The following PREX2 variants were observed in gnomAD, a reference collection of about 807,000 sequenced individuals.
PREX2 encodes the protein phosphatidylinositol-3,4,5-trisphosphate dependent Rac exchange factor 2.
A neutral mutation model predicts 203.2 loss-of-function variants in PREX2; 107 were observed. The ratio of observed to expected loss-of-function variants is 0.53; its 90% CI spans 0.45 to 0.62. PREX2 has a LOEUF of 0.62. Among genes scored for constraint, PREX2 ranks in the 20% least tolerant of loss-of-function variants. The pLI, the probability that PREX2 is intolerant of heterozygous loss-of-function variation, is 0.00. For missense variants in PREX2, 1,777 were observed against 1,955.9 expected, an observed-to-expected ratio of 0.91 and a Z score of 1.72; for synonymous variants, 672 against 663.6, an observed-to-expected ratio of 1.01 and a Z score of -0.19.
At chr8:68,001,337 A>C (rs958598651) in intron 1 of PREX2, among the ~76,000 whole-genome samples, 4 of 152,216 alleles carry the variant, frequency 2.6e-5, no homozygotes, top group Non-Finnish European at 4.4e-5. Context: ...CCAGCATGTG[A>C]AAAAAAGCTC....
chr8:68,162,421 T>TACTTAGAAATG (rs1339164818), intron 35 of PREX2, among the ~76,000 whole-genome samples: 5 of 152,154 alleles, frequency 3.3e-5, no homozygotes, highest in Admixed American at 3.3e-4. Flanking sequence ...TATTTTAACT[T>TACTTAGAAATG]ACTTAGAAAT....
chr8:68,146,410 CT>C, intron 34 of PREX2, 58 bp downstream of exon 34: 1 of 1,358,028 alleles, frequency 7.4e-7, no homozygotes, highest in Non-Finnish European at 1.0e-6. Context: ...TTTATTAATG[CT>C]TTTATAAATG....
At chr8:67,990,498 T>G (rs1471693205) in intron 1 of PREX2, among the ~76,000 whole-genome samples, 2 of 102,228 alleles carry the variant, frequency 2.0e-5, no homozygotes, top group Non-Finnish European at 3.8e-5. Flanking sequence ...TCCCAGGTGG[T>G]TTTTTTTTTT....
At chr8:67,967,374 A>C (rs1805805733) in intron 1 of PREX2, among the ~76,000 whole-genome samples, 1 of 152,186 alleles carries the variant, frequency 6.6e-6, no homozygotes, top group Admixed American at 6.5e-5. Context: ...TATATTTTTT[A>C]AAGGTGCAAT....
At chr8:68,092,284 G>A (rs989675794) in intron 20 of PREX2, among the ~76,000 whole-genome samples, 12 of 152,086 alleles carry the variant, frequency 7.9e-5, no homozygotes, top group African/African-American at 1.4e-4. Flanking sequence ...TAAGCGGTGC[G>A]GCTCATTGGT....
chr8:68,169,431 G>A (rs148591958), intron 35 of PREX2, among the ~76,000 whole-genome samples: 78 of 152,108 alleles, frequency 5.1e-4, no homozygotes, highest in South Asian at 8.3e-4. Flanking sequence ...ATTGGAGATG[G>A]AACAGACGTG....
intron 8 of PREX2, among the ~76,000 whole-genome samples, chr8:68,048,242 T>A (rs115889987): frequency 0.015 from 2,263 of 152,182 alleles, 49 homozygotes; most frequent in African/African-American, 0.051. Flanking sequence ...AGGCAATAGT[T>A]GGAAAGCTAT....
chr8:68,125,909 T>C (rs1029575762), intron 30 of PREX2, among the ~76,000 whole-genome samples: 13 of 152,122 alleles, frequency 8.5e-5, no homozygotes, highest in South Asian at 2.1e-4. Context: ...CCTATCTTTT[T>C]ATGATTCTTA....
intron 1 of PREX2, among the ~76,000 whole-genome samples, chr8:67,963,927 C>T (rs1308059310): frequency 6.6e-6 from 1 of 152,106 alleles, no homozygotes; most frequent in Non-Finnish European, 1.5e-5. Flanking sequence ...AGCCGCTCAG[C>T]CACATCAGGT....
chr8:68,039,846 G>A (rs1033602820), intron 7 of PREX2, among the ~76,000 whole-genome samples: 1 of 151,976 alleles, frequency 6.6e-6, no homozygotes. Context: ...TCTGCTCCAG[G>A]CCACCAGGAT....
chr8:68,072,846 GAATAGCTATGCTCATTTACTAA>G (rs1194967116), intron 14 of PREX2, among the ~76,000 whole-genome samples: 2 of 152,100 alleles, frequency 1.3e-5, no homozygotes, highest in African/African-American at 4.8e-5. Flanking sequence ...AGAATCTGAA[GAATAGCTATGCTCATTTACTAA>G]AATATTTTTA....
At chr8:68,123,796 C>G (rs1810827516) in intron 30 of PREX2, among the ~76,000 whole-genome samples, 1 of 151,900 alleles carries the variant, frequency 6.6e-6, no homozygotes, top group Admixed American at 6.6e-5. Flanking sequence ...AAAAAAAAGC[C>G]TGGAACCAGA....
intron 1 of PREX2, among the ~76,000 whole-genome samples, chr8:67,975,796 C>T (rs972642474): frequency 1.1e-4 from 15 of 133,320 alleles, no homozygotes; most frequent in Non-Finnish European, 1.8e-4. Flanking sequence ...CTCCGCTTCT[C>T]GGGTTCAAGT....
chr8:68,024,510 T>C (rs1807658749), intron 4 of PREX2, among the ~76,000 whole-genome samples: 1 of 152,032 alleles, frequency 6.6e-6, no homozygotes, highest in Non-Finnish European at 1.5e-5. Flanking sequence ...TATTTGTATA[T>C]CTTTTTCTGT....
At chr8:68,070,680 G>A (rs1055360150) in intron 13 of PREX2, among the ~76,000 whole-genome samples, 1 of 152,058 alleles carries the variant, frequency 6.6e-6, no homozygotes, top group African/African-American at 2.4e-5. Flanking sequence ...AAATAAAAAT[G>A]CTTTTCAATC....
chr8:67,990,165 T>C (rs112822195), intron 1 of PREX2, among the ~76,000 whole-genome samples: 6,615 of 152,166 alleles, frequency 0.043, 449 homozygotes, highest in African/African-American at 0.14. Context: ...TTTGTACTTT[T>C]AGTAGAAATG....
chr8:68,044,505 G>GAA lies in PREX2; in HGVS notation c.858_859insAA (p.Ala287LysfsTer19). The GAA allele has an allele frequency of 6.2e-7, 1 of 1,611,716 alleles. No homozygotes were observed. Among genetic ancestry groups the GAA allele is most frequent in the Non-Finnish European group, 8.5e-7 (1 of 1,178,122 alleles). ...TCTTAAGACGGTTGAAGAACAGCAAGGCATCTACAGATGGACATCGGTACC... is the reference window on the plus strand; with the variant it reads ...TCTTAAGACGGTTGAAGAACAGCAAGAAGCATCTACAGATGGACATCGGTACC... On this transcript the variant is annotated frameshift_variant, in exon 8 of 40. Coordinates refer to ENST00000288368, the MANE Select transcript of PREX2 (RefSeq NM_024870.4). LOFTEE classifies it high-confidence loss of function.
At chr8:68,138,619 AT>A in intron 33 of PREX2, 102 bp downstream of exon 33, 2 of 530,204 alleles carry the variant, frequency 3.8e-6, no homozygotes, top group Non-Finnish European at 6.7e-6. Flanking sequence ...GAACTGAATG[AT>A]TGAAATGTAT....
intron 1 of PREX2, among the ~76,000 whole-genome samples, chr8:67,974,132 A>G (rs143568653): frequency 4.8e-4 from 73 of 152,342 alleles, no homozygotes; most frequent in African/African-American, 1.7e-3. Flanking sequence ...AATTGGAGAA[A>G]GAGTGAATTA....
Sources: allele counts gnomAD v4.1 joint callset (sites outside exome capture counted in the v4.1 genomes callset), GRCh38; gene constraint gnomAD v4.1.1; transcripts MANE v1.5; gene names NCBI Gene and HGNC (gene_info 2026-07-23, HGNC 2026-07-21).